The following DACH1 variants were observed in gnomAD, a reference collection of about 807,000 sequenced individuals.
The protein encoded by DACH1 is dachshund family transcription factor 1.
A neutral mutation model predicts 54.2 loss-of-function variants in DACH1; 12 were observed. The ratio of observed to expected loss-of-function variants is 0.22; its 90% CI spans 0.14 to 0.36. The LOEUF (loss-of-function observed/expected upper bound fraction) is 0.36. DACH1 is among the 10% of genes least tolerant of loss of function. The pLI, the probability that DACH1 is intolerant of heterozygous loss-of-function variation, is 1.00. For missense variants in DACH1, 805 were observed against 929.8 expected (o/e 0.87, Z 1.75); for synonymous variants, 386 against 366.2 (o/e 1.05, Z -0.62).
rs142103107 is a variant in DACH1, at chr13:71,480,347, A to T, written c.1723-1031T>A. 7.8e-3 allele frequency among the ~76,000 whole-genome samples: 1,187 copies of T among 152,318 alleles called. 16 individuals are homozygous for T. Among genetic ancestry groups the T allele is most frequent in the African/African-American group, 0.026 (1,093 of 41,576 alleles). ...CATAATAATTTAAAAGAACATATGG[A>T]GAAAGCAAAGTTTATTCATACAACT... On this transcript the variant is annotated intron_variant, in intron 7 of 10. Coordinates refer to ENST00000613252, the MANE Select transcript of DACH1 (RefSeq NM_080759.6).
At chr13:71,461,497 T>G (rs931014944) in intron 10 of DACH1, among the ~76,000 whole-genome samples, 1 of 152,062 alleles carries the variant, frequency 6.6e-6, no homozygotes, top group Non-Finnish European at 1.5e-5. Context: ...GCTTCTACAT[T>G]GCTTTTAAGA....
chr13:71,675,782 T>C (rs1156518546), intron 2 of DACH1, among the ~76,000 whole-genome samples: 1 of 152,210 alleles, frequency 6.6e-6, no homozygotes, highest in Admixed American at 6.5e-5. Flanking sequence ...CTGTTAAATT[T>C]TTCTGGACAA....
intron 1 of DACH1, among the ~76,000 whole-genome samples, chr13:71,836,873 G>C (rs183812180): frequency 1.1e-3 from 166 of 152,056 alleles, no homozygotes; most frequent in African/African-American, 3.9e-3. Flanking sequence ...CCCTAACCAT[G>C]AGTGCTAGAA....
At chr13:71,583,463 C>G (rs754089095) in intron 3 of DACH1, among the ~76,000 whole-genome samples, 3 of 152,074 alleles carry the variant, frequency 2.0e-5, no homozygotes, top group Non-Finnish European at 4.4e-5. Flanking sequence ...AACATGTATT[C>G]AAATTATCGT....
chr13:71,849,461 C>T (rs1313149756), intron 1 of DACH1, among the ~76,000 whole-genome samples: 2 of 152,208 alleles, frequency 1.3e-5, no homozygotes, highest in African/African-American at 4.8e-5. Context: ...CTTTAAAGCA[C>T]TGATTTATGC....
At chr13:71,783,964 T>TAAAAAAAAAAA (rs35579396) in intron 1 of DACH1, among the ~76,000 whole-genome samples, 3 of 116,186 alleles carry the variant, frequency 2.6e-5, no homozygotes, top group Non-Finnish European at 3.6e-5. Flanking sequence ...CTCCAAGGTT[T>TAAAAAAAAAAA]AAAAAAAAAA....
intron 1 of DACH1, among the ~76,000 whole-genome samples, chr13:71,692,044 C>CAG (rs1353642768): frequency 6.6e-6 from 1 of 150,446 alleles, no homozygotes; most frequent in Non-Finnish European, 1.5e-5. Context: ...CACACACACA[C>CAG]ACAGACACAC....
intron 2 of DACH1, among the ~76,000 whole-genome samples, chr13:71,664,392 G>A (rs1012236297): frequency 6.6e-6 from 1 of 151,876 alleles, no homozygotes; most frequent in African/African-American, 2.4e-5. Context: ...GGATAAAGCA[G>A]AATAACTAAA....
chr13:71,624,266 G>A (rs2072390321), intron 3 of DACH1, among the ~76,000 whole-genome samples: 1 of 151,826 alleles, frequency 6.6e-6, no homozygotes, highest in Non-Finnish European at 1.5e-5. Flanking sequence ...AACCATGGTG[G>A]TTCCTATACT....
intron 1 of DACH1, among the ~76,000 whole-genome samples, chr13:71,833,493 A>G (rs1030341520): frequency 3.3e-4 from 50 of 152,046 alleles, no homozygotes; most frequent in Admixed American, 3.3e-3. Context: ...ATTTATAAAC[A>G]TATTGTGTAG....
intron 6 of DACH1, among the ~76,000 whole-genome samples, chr13:71,549,766 C>T (rs1254428101): frequency 6.6e-6 from 1 of 152,056 alleles, no homozygotes; most frequent in East Asian, 1.9e-4. Context: ...AGTTCAAAGA[C>T]AGAATTCCTA....
In DACH1 at chr13:71,492,992, A is replaced by T. The variant is rs147224688; in HGVS notation, c.1571-3844T>A. On this transcript the variant is annotated intron_variant, in intron 6 of 10. Transcript: ENST00000613252. ...TTTTGTTTACGGTAGTTACATAACA[A>T]ATATTTTAACTTTTTTGTGACATGT... Among the ~76,000 whole-genome samples, 200 of 152,064 alleles carry T rather than the reference A, an allele frequency of 1.3e-3. 2 individuals are homozygous for T. In the East Asian group the frequency reaches 0.031, roughly 23 times the overall value.
intron 6 of DACH1, among the ~76,000 whole-genome samples, chr13:71,549,896 T>C (rs1883699768): frequency 2.0e-5 from 3 of 152,132 alleles, no homozygotes; most frequent in African/African-American, 7.2e-5. Context: ...AAAATATTTA[T>C]TGAATGAATT....
intron 1 of DACH1, among the ~76,000 whole-genome samples, chr13:71,761,066 A>G (rs1792649820): frequency 6.6e-6 from 1 of 152,090 alleles, no homozygotes; most frequent in South Asian, 2.1e-4. Flanking sequence ...ATCTAAAAAT[A>G]ACTCTCATTT....
chr13:71,740,389 AT>A (rs1884331647), intron 1 of DACH1, among the ~76,000 whole-genome samples: 1 of 152,194 alleles, frequency 6.6e-6, no homozygotes, highest in African/African-American at 2.4e-5. Flanking sequence ...GTATGTCCCT[AT>A]TTTTATTGAC....
intron 10 of DACH1, among the ~76,000 whole-genome samples, chr13:71,463,833 T>G (rs1876322435): frequency 6.6e-6 from 1 of 151,986 alleles, no homozygotes; most frequent in East Asian, 1.9e-4. Flanking sequence ...CCAGGCTCTC[T>G]CCTTCCATTC....
chr13:71,634,262 G>A (rs188708157), intron 2 of DACH1, among the ~76,000 whole-genome samples: 7 of 151,924 alleles, frequency 4.6e-5, no homozygotes, highest in East Asian at 1.9e-4. Context: ...CATGAGCCAC[G>A]GCACCTGGCC....
chr13:71,597,319 A>G (rs1396493384), intron 3 of DACH1, among the ~76,000 whole-genome samples: 1 of 152,230 alleles, frequency 6.6e-6, no homozygotes, highest in Non-Finnish European at 1.5e-5. Flanking sequence ...CCATTGCACA[A>G]TGTACACATA....
At chr13:71,658,344 G>T (rs903063768) in intron 2 of DACH1, among the ~76,000 whole-genome samples, 5 of 152,154 alleles carry the variant, frequency 3.3e-5, no homozygotes, top group Non-Finnish European at 5.9e-5. Flanking sequence ...ATGTTCAGGA[G>T]TTTGAGACTA....
Sources: allele counts gnomAD v4.1 joint callset (sites outside exome capture counted in the v4.1 genomes callset), GRCh38; gene constraint gnomAD v4.1.1; transcripts MANE v1.5; gene names NCBI Gene and HGNC (gene_info 2026-07-23, HGNC 2026-07-21).